TMC3: variants seen among roughly 807,000 people sequenced by gnomAD.
TMC3 encodes the protein transmembrane channel like 3, also known as transmembrane channel-like protein 3.
A neutral mutation model predicts 110.6 loss-of-function variants in TMC3; 98 were observed. The observed-to-expected ratio is 0.89, with a 90% CI of 0.75 to 1.05. The LOEUF (loss-of-function observed/expected upper bound fraction) is 1.05, where lower values mean the gene tolerates loss of function less well. Among genes scored for constraint, TMC3 ranks in the 50% least tolerant of loss-of-function variants. The probability of loss-of-function intolerance (pLI) is 0.00; values close to 1 mark genes in which losing one functional copy is unlikely to be tolerated. For missense variants in TMC3, 1,319 were observed against 1,373.2 expected, an observed-to-expected ratio of 0.96 and a Z score of 0.62; for synonymous variants, 489 against 513.1, an observed-to-expected ratio of 0.95 and a Z score of 0.63.
At chr15:81,373,861 G>T in intron 1 of TMC3, 128 bp downstream of exon 1, 1 of 820,858 alleles carries the variant, frequency 1.2e-6, no homozygotes, top group South Asian at 1.6e-5. Flanking sequence ...CTGGAGAAGT[G>T]AGTTTCTGAG....
intron 1 of TMC3, among the ~76,000 whole-genome samples, chr15:81,373,547 C>T (rs1006904814): frequency 1.3e-5 from 2 of 152,186 alleles, no homozygotes; most frequent in Admixed American, 6.5e-5. Context: ...TAAATGGCAG[C>T]TGTACTAGAC....
chr15:81,339,108 GC>G (rs1160179385), intron 17 of TMC3, among the ~76,000 whole-genome samples: 1 of 152,194 alleles, frequency 6.6e-6, no homozygotes, highest in African/African-American at 2.4e-5. Context: ...TTTAATAAAA[GC>G]TTTCTGTGTT....
In TMC3 at chr15:81,374,052, C is replaced by T. The variant is rs771366814; in HGVS notation, c.26G>A (p.Arg9His). 46 of 1,613,782 alleles carry T rather than the reference C, an allele frequency of 2.9e-5. No homozygotes were observed. The highest frequency in any genetic ancestry group is 8.8e-5 in the South Asian group (8 of 91,034). ...GGCATTTCTCCGGATGCCTCTATAG[C>T]GCTGGGATGCCTTCGAGGTTTTCAT... The part of the protein sequence containing the change: MKTSKASQ[R>H]YRGIRRNASQ... The change falls in exon 1 of 22, where the codon CGC becomes CAC. Residue 9 changes from arginine to histidine, a missense_variant. Arg to His is a conservative substitution (Grantham distance 29, BLOSUM62 0). Coordinates refer to ENST00000359440, the MANE Select transcript of TMC3 (RefSeq NM_001080532.3).
chr15:81,365,364 A>AG (rs1596095971), intron 3 of TMC3, among the ~76,000 whole-genome samples: 1 of 152,268 alleles, frequency 6.6e-6, no homozygotes, highest in East Asian at 1.9e-4. Context: ...AGATGAATAA[A>AG]GTATGCTCTT....
At chr15:81,335,385 C>A (rs565223731) in intron 20 of TMC3, among the ~76,000 whole-genome samples, 24 of 152,314 alleles carry the variant, frequency 1.6e-4, no homozygotes, top group African/African-American at 5.3e-4. Context: ...GAACACTGGA[C>A]AATGCTATTG....
intron 21 of TMC3, 53 bp downstream of exon 21, chr15:81,334,667 C>G: frequency 1.9e-6 from 3 of 1,569,474 alleles, no homozygotes; most frequent in Non-Finnish European, 2.6e-6. Context: ...GCTGCAGAGG[C>G]CTTCAAATCT....
chr15:81,333,099 A>T lies in TMC3; in HGVS notation c.2623T>A (p.Leu875Met), dbSNP rs1893509454. Reference protein sequence around the residue: ...PPHRGPQASTLLAQGPRPHAP... With the variant: ...PPHRGPQASTMLAQGPRPHAP... ...TGGGGCCTGGGACCCTGTGCCAGCA[A>T]AGTCGAGGCCTGTGGTCCACGGTGA... Residue 875 changes from leucine to methionine, a missense_variant, in exon 22 of 22, where the codon TTG becomes ATG. Transcript: ENST00000359440. 6.2e-7 allele frequency: 1 copy of T among 1,614,030 alleles called. No homozygotes were observed. Among genetic ancestry groups the T allele is most frequent in the Non-Finnish European group, 8.5e-7 (1 of 1,179,894 alleles).
chr15:81,368,037 C>T (rs1209790675), intron 3 of TMC3, among the ~76,000 whole-genome samples: 5 of 152,072 alleles, frequency 3.3e-5, no homozygotes, highest in African/African-American at 1.2e-4. Context: ...CAGGCTCAAG[C>T]GATTCTCCTG....
chr15:81,344,004 C>A lies in TMC3; in HGVS notation c.1560G>T (p.Val520=). 6.2e-7 allele frequency: 1 copy of A among 1,612,862 alleles called. No homozygotes were observed. Among genetic ancestry groups the A allele is most frequent in the Admixed American group, 1.7e-5 (1 of 60,000 alleles). ...KLSIIDMLFT[V]ASILLIDFFR... ...AGAAGTCTATGAGCAGAATGCTCGC[C>A]ACGGTGAAGAGCATGTCAATGATGG... Residue 520 remains valine, a synonymous_variant, in exon 14 of 22, where the codon GTG becomes GTT. Coordinates refer to ENST00000359440, the MANE Select transcript of TMC3 (RefSeq NM_001080532.3).
At chr15:81,354,990 G>A (rs1183912662) in intron 9 of TMC3, among the ~76,000 whole-genome samples, 1 of 151,978 alleles carries the variant, frequency 6.6e-6, no homozygotes, top group South Asian at 2.1e-4. Flanking sequence ...CCAGGTTATC[G>A]ACATTAATGA....
chr15:81,354,339 A>G (rs570610778), intron 9 of TMC3, among the ~76,000 whole-genome samples: 2 of 152,276 alleles, frequency 1.3e-5, no homozygotes, highest in South Asian at 2.1e-4. Flanking sequence ...AGGATATGCA[A>G]TGGGGTTGGC....
intron 17 of TMC3, among the ~76,000 whole-genome samples, chr15:81,339,110 T>G (rs946028646): frequency 6.6e-6 from 1 of 152,258 alleles, no homozygotes; most frequent in African/African-American, 2.4e-5. Context: ...TAATAAAAGC[T>G]TTCTGTGTTT....
intron 12 of TMC3, 138 bp from the exon 13 acceptor site, chr15:81,345,149 C>G (rs1893800334): frequency 7.1e-7 from 1 of 1,410,526 alleles, no homozygotes. Flanking sequence ...TCCTCTTTCT[C>G]TTTCTAGACC....
At chr15:81,338,892 T>A (rs894970059) in intron 17 of TMC3, 112 bp from the exon 18 acceptor site, 7 of 1,130,974 alleles carry the variant, frequency 6.2e-6, no homozygotes, top group Admixed American at 6.0e-5. Context: ...ATTCCTCAAA[T>A]GATTTCATAT....
rs145119702 is a variant in TMC3 at position 81,347,030 on chromosome 15, A to G, written c.1194-587T>C. The stretch of plus-strand genomic sequence containing the variant: ...ACACCCTGTCAGCCACTGGGAGTGA[A>G]TGGAACCTGCCAGCAACAGTCTGGA... On this transcript the variant is annotated intron_variant, in intron 11 of 21. Transcript: ENST00000359440. Among the ~76,000 whole-genome samples the G allele has an allele frequency of 1.4e-4, 22 of 152,342 alleles. No individual in the cohort carries two copies. In the East Asian group the frequency reaches 4.2e-3, roughly 29 times the overall value.
At chr15:81,366,380 G>A (rs774009504) in intron 3 of TMC3, among the ~76,000 whole-genome samples, 4 of 152,222 alleles carry the variant, frequency 2.6e-5, no homozygotes, top group Admixed American at 1.3e-4. Context: ...GGGTTAGCAC[G>A]AGCTGAGCGT....
chr15:81,343,465 G>T, intron 14 of TMC3, 120 bp from the exon 15 acceptor site: 1 of 686,628 alleles, frequency 1.5e-6, no homozygotes, highest in Non-Finnish European at 2.6e-6. Flanking sequence ...ATCAGTGCTT[G>T]TGGGGCCATC....
intron 16 of TMC3, 97 bp from the exon 17 acceptor site, chr15:81,339,601 A>C (rs968151433): frequency 1.1e-6 from 1 of 901,136 alleles, no homozygotes; most frequent in Admixed American, 2.0e-5. Flanking sequence ...GGTTGCCCTG[A>C]CTCTTTGCAA....
rs1446921096 is a variant in TMC3, at chr15:81,333,204, G to A, written c.2518C>T (p.Pro840Ser). The A allele has an allele frequency of 6.2e-7, 1 of 1,614,002 alleles. No individual in the cohort carries two copies. The highest frequency in any genetic ancestry group is 8.5e-7 in the Non-Finnish European group (1 of 1,179,878). Residue 840 changes from proline to serine, a missense_variant, in exon 22 of 22, where the codon CCT becomes TCT. Pro to Ser is a moderately conservative substitution (Grantham distance 74). Transcript: ENST00000359440. Reference protein sequence around the residue: ...SDLHRNRSRTPMTFTTHIEDV... With the variant: ...SDLHRNRSRTSMTFTTHIEDV... ...TCGATGTGCGTTGTAAATGTCATAG[G>A]TGTGCGCGATCTGTTCCTGTGAAGG...
Sources: gnomAD v4.1 joint callset for allele counts (sites outside exome capture counted in the v4.1 genomes callset) on GRCh38, gnomAD v4.1.1 for gene constraint, MANE v1.5 for transcripts, NCBI Gene and HGNC (gene_info 2026-07-23, HGNC 2026-07-21) for gene names.